Variants in CEP128 observed in about 807,000 individuals in gnomAD.
CEP128 encodes the protein centrosomal protein 128.
A neutral mutation model predicts 156.7 loss-of-function variants in CEP128; 132 were observed. The observed-to-expected ratio is 0.84, with a 90% confidence interval of 0.73 to 0.97. The LOEUF (loss-of-function observed/expected upper bound fraction) is 0.97, where lower values mean the gene tolerates loss of function less well. Ranked by LOEUF, CEP128 falls within the 50% of genes least tolerant of loss-of-function variation. The pLI is 0.00. For synonymous variants in CEP128, 469 were observed against 448.9 expected (o/e 1.04, Z -0.57); for missense variants, 1,252 against 1,281.9 (o/e 0.98, Z 0.36).
At position 80,793,406 on chromosome 14, in the gene CEP128, T is replaced by C. The variant is rs189758133; in HGVS notation, c.1210-296A>G. Among the ~76,000 whole-genome samples, 1,115 of 152,310 alleles carry C rather than the reference T, an allele frequency of 7.3e-3. 9 individuals are homozygous for C. The highest frequency in any genetic ancestry group is 0.011 in the Non-Finnish European group (765 of 68,008). ...TAGAAGGCACTTTTGAAGCGAACAA[T>C]GTGCATTATTTTAGTAACAACCTAG... On this transcript the variant is annotated intron_variant, in intron 13 of 24. Transcript: ENST00000555265.
At chr14:80,774,126 A>G (rs1281384538) in intron 16 of CEP128, among the ~76,000 whole-genome samples, 1 of 152,218 alleles carries the variant, frequency 6.6e-6, no homozygotes, top group Non-Finnish European at 1.5e-5. Flanking sequence ...TATTCTGTGG[A>G]TATTTAGCAA....
chr14:80,950,906 G>GAAAAAAAAA (rs59969729), intron 2 of CEP128, among the ~76,000 whole-genome samples: 1 of 115,060 alleles, frequency 8.7e-6, no homozygotes, highest in Non-Finnish European at 1.9e-5. Context: ...TCCCGAGTAA[G>GAAAAAAAAA]AAAAAAAAAA....
intron 19 of CEP128, among the ~76,000 whole-genome samples, chr14:80,740,008 A>C (rs563160006): frequency 1.6e-3 from 242 of 152,308 alleles, no homozygotes; most frequent in African/African-American, 5.6e-3. Context: ...ACAGGGAAAA[A>C]TAAATAAATT....
intron 8 of CEP128, among the ~76,000 whole-genome samples, chr14:80,874,441 G>C (rs1888179186): frequency 6.6e-6 from 1 of 151,394 alleles, no homozygotes; most frequent in Non-Finnish European, 1.5e-5. Context: ...CCCAGCCTGG[G>C]TGACAGAGTG....
chr14:80,936,006 C>T (rs1245012187), intron 2 of CEP128, among the ~76,000 whole-genome samples: 1 of 152,184 alleles, frequency 6.6e-6, no homozygotes, highest in Non-Finnish European at 1.5e-5. Context: ...CAAAACCTAG[C>T]AGGCTCAGTT....
chr14:80,774,375 G>C (rs1900674186), intron 16 of CEP128, among the ~76,000 whole-genome samples: 1 of 152,110 alleles, frequency 6.6e-6, no homozygotes, highest in African/African-American at 2.4e-5. Flanking sequence ...ACCTTGTTAA[G>C]CAAATTAGAA....
chr14:80,527,147 G>T, intron 22 of CEP128, 165 bp from the exon 23 acceptor site: 1 of 546,602 alleles, frequency 1.8e-6, no homozygotes, highest in Non-Finnish European at 3.2e-6. Context: ...GAAAGAAGAA[G>T]GCTACACACA....
intron 13 of CEP128, among the ~76,000 whole-genome samples, chr14:80,801,752 C>T (rs1298964068): frequency 1.3e-5 from 2 of 151,248 alleles, no homozygotes; most frequent in Non-Finnish European, 3.0e-5. Flanking sequence ...ACTAAAAATA[C>T]AAAAAATTAG....
intron 19 of CEP128, among the ~76,000 whole-genome samples, chr14:80,678,058 A>ATATATG (rs67987510): frequency 0.24 from 18,130 of 74,946 alleles, 1,717 homozygotes; most frequent in East Asian, 0.56. Flanking sequence ...AAATATATAT[A>ATATATG]TATATGTATA....
At chr14:80,670,436 A>C (rs1343867918) in intron 19 of CEP128, among the ~76,000 whole-genome samples, 1 of 152,210 alleles carries the variant, frequency 6.6e-6, no homozygotes, top group Non-Finnish European at 1.5e-5. Flanking sequence ...ACACACAGGA[A>C]TACTACTCTG....
chr14:80,770,462 G>A (rs952048602), intron 16 of CEP128, among the ~76,000 whole-genome samples: 2 of 152,000 alleles, frequency 1.3e-5, no homozygotes, highest in South Asian at 2.1e-4. Context: ...CTTAACATCT[G>A]ACATTACATT....
chr14:80,923,617 G>A (rs1046329874), intron 2 of CEP128, among the ~76,000 whole-genome samples: 3 of 152,180 alleles, frequency 2.0e-5, no homozygotes, highest in Admixed American at 2.0e-4. Context: ...GCCTCCAAGT[G>A]CCTCAGCTGT....
Position 80,706,439 on chromosome 14 carries a change from A to ATG in CEP128, c.2806+36634_2806+36635dup, listed in dbSNP as rs755837048. On this transcript the variant is annotated intron_variant, in intron 19 of 24. Coordinates refer to ENST00000555265, the MANE Select transcript of CEP128 (RefSeq NM_152446.5). ...CTTGTACTCGTGTGTGTGTGTGTGT[A>ATG]TGTGTGTGTGTGTGTAAGTTCTATA... 8.1e-4 allele frequency among the ~76,000 whole-genome samples: 122 copies of ATG among 150,526 alleles called. 1 individual carries two copies. The highest frequency in any genetic ancestry group is 3.9e-4 in the Non-Finnish European group (26 of 67,364).
intron 23 of CEP128, among the ~76,000 whole-genome samples, chr14:80,520,692 G>A (rs1594942271): frequency 6.6e-6 from 1 of 151,922 alleles, no homozygotes; most frequent in Admixed American, 6.6e-5. Context: ...ACTCATAGTA[G>A]ATAAAAATTT....
chr14:80,785,625 A>T, intron 14 of CEP128, 80 bp from the exon 15 acceptor site: 1 of 1,009,236 alleles, frequency 9.9e-7, no homozygotes, highest in Non-Finnish European at 1.4e-6. Flanking sequence ...CAGTCAGCAA[A>T]ACAATGTTTA....
chr14:80,930,938 G>A (rs1246887667), intron 2 of CEP128, among the ~76,000 whole-genome samples: 21 of 152,178 alleles, frequency 1.4e-4, no homozygotes, highest in Admixed American at 1.2e-3. Context: ...AAGGTGGCAC[G>A]TGTTCCTCTT....
At chr14:80,865,915 G>A (rs1003766567) in intron 8 of CEP128, among the ~76,000 whole-genome samples, 1 of 152,158 alleles carries the variant, frequency 6.6e-6, no homozygotes, top group African/African-American at 2.4e-5. Context: ...CAGCCTGCAA[G>A]TGACCCAGAG....
At chr14:80,681,615 G>A (rs1896326835) in intron 19 of CEP128, among the ~76,000 whole-genome samples, 1 of 152,192 alleles carries the variant, frequency 6.6e-6, no homozygotes, top group Admixed American at 6.5e-5. Context: ...TTCTCATGAG[G>A]TGATGGTTTT....
intron 19 of CEP128, among the ~76,000 whole-genome samples, chr14:80,595,829 C>T (rs1892291084): frequency 6.6e-6 from 1 of 152,186 alleles, no homozygotes; most frequent in Admixed American, 6.5e-5. Context: ...AGCAAAGTCA[C>T]GTCTTACACG....
Sources: allele counts gnomAD v4.1 joint callset (sites outside exome capture counted in the v4.1 genomes callset), GRCh38; gene constraint gnomAD v4.1.1; transcripts MANE v1.5; gene names NCBI Gene and HGNC (gene_info 2026-07-23, HGNC 2026-07-21).